Variants in AKNAD1 observed in about 807,000 individuals in gnomAD.
AKNAD1 encodes AKNA domain containing 1.
AKNAD1 carries 67 observed loss-of-function variants against 90.8 expected under a neutral mutation model. The observed-to-expected ratio is 0.74, with a 90% confidence interval of 0.61 to 0.90. The LOEUF is 0.90. Among genes scored for constraint, AKNAD1 ranks in the 40% least tolerant of loss-of-function variants. AKNAD1 has a pLI of 0.00. For missense variants in AKNAD1, 957 were observed against 975.4 expected (o/e 0.98, Z 0.25); for synonymous variants, 327 against 341.4 (o/e 0.96, Z 0.46).
At position 108,852,356 on chromosome 1, in the gene AKNAD1, G is replaced by T. The variant is rs17563390; in HGVS notation, c.309C>A (p.Asp103Glu). Reference protein sequence around the residue: ...AALHIPANEGDASKSSISDIL... With the variant: ...AALHIPANEGEASKSSISDIL... ...TATCAGAAATGCTTGACTTAGAAGC[G>T]TCTCCTTCATTTGCTGGAATATGAA... The change falls in exon 2 of 16, where the codon GAC becomes GAA. Residue 103 changes from aspartate to glutamate, a missense_variant. Physicochemically the swap from Asp to Glu is conservative, Grantham distance 45. Coordinates refer to ENST00000370001, the MANE Select transcript of AKNAD1 (RefSeq NM_152763.5). The T allele has an allele frequency of 6.2e-7, 1 of 1,613,852 alleles. No individual in the cohort carries two copies. Among genetic ancestry groups the T allele is most frequent in the East Asian group, 2.2e-5 (1 of 44,886 alleles).
At chr1:108,842,218 A>T (rs893314474) in intron 6 of AKNAD1, among the ~76,000 whole-genome samples, 4 of 152,174 alleles carry the variant, frequency 2.6e-5, no homozygotes, top group Admixed American at 1.3e-4. Flanking sequence ...GTAAAACCAT[A>T]CCTTGGGGAA....
At chr1:108,839,191 T>C (rs1235528756) in intron 6 of AKNAD1, among the ~76,000 whole-genome samples, 3 of 151,952 alleles carry the variant, frequency 2.0e-5, no homozygotes, top group Non-Finnish European at 4.4e-5. Context: ...TTCCAGAACA[T>C]GAAAAGAAAA....
chr1:108,829,475 AAAT>A (rs894583167), intron 10 of AKNAD1, among the ~76,000 whole-genome samples: 1 of 152,232 alleles, frequency 6.6e-6, no homozygotes, highest in African/African-American at 2.4e-5. Context: ...TTAATTCAAT[AAAT>A]AAAAATAGTA....
chr1:108,824,835 C>A (rs1258003501), intron 11 of AKNAD1, among the ~76,000 whole-genome samples: 1 of 151,660 alleles, frequency 6.6e-6, no homozygotes, highest in African/African-American at 2.4e-5. Context: ...TAAGCCACCA[C>A]ACCCAACTGA....
In AKNAD1 at chr1:108,852,772, G is replaced by T; in HGVS notation, c.-103-5C>A. The T allele has an allele frequency of 9.9e-7, 1 of 1,014,458 alleles. No individual in the cohort carries two copies. Among genetic ancestry groups the T allele is most frequent in the Non-Finnish European group, 1.4e-6 (1 of 719,316 alleles). 62.8% of individuals were successfully genotyped at this position (1,014,458 alleles called of 1,614,324 possible). On this transcript the variant is annotated splice_region_variant and splice_polypyrimidine_tract_variant and intron_variant, in intron 1 of 15. Transcript: ENST00000370001. Reference sequence around the variant, plus strand: ...CTGTCTTCACTGTGTGCTATTCTGTGTGAAATGAGAACAGCCTCATTGTTA... The same window carrying T: ...CTGTCTTCACTGTGTGCTATTCTGTTTGAAATGAGAACAGCCTCATTGTTA...
rs760452529 is a variant in AKNAD1, at chr1:108,834,475, A to G, written c.1718T>C (p.Val573Ala). ...AGAGTTAGAAGACAGCCTCATGGCCACTTGGTCTGGCTTGTTCTGGGCAGC... is the reference window on the plus strand; with the variant it reads ...AGAGTTAGAAGACAGCCTCATGGCCGCTTGGTCTGGCTTGTTCTGGGCAGC... Reference protein sequence around the residue: ...DAAAQNKPDQVAMRLSSNSGE... With the variant: ...DAAAQNKPDQAAMRLSSNSGE... The change falls in exon 9 of 16, where the codon GTG becomes GCG. Residue 573 changes from valine (V) to alanine (A), a missense_variant. Transcript: ENST00000370001. The G allele has an allele frequency of 6.2e-7, 1 of 1,611,066 alleles. No individual in the cohort carries two copies. Among genetic ancestry groups the G allele is most frequent in the Non-Finnish European group, 8.5e-7 (1 of 1,178,862 alleles).
chr1:108,844,132 G>T (rs971029846), intron 5 of AKNAD1, among the ~76,000 whole-genome samples: 1 of 152,190 alleles, frequency 6.6e-6, no homozygotes, highest in African/African-American at 2.4e-5. Context: ...GGAGGCCGAA[G>T]TGGGCAGATC....
chr1:108,837,516 TG>T (rs760544801), intron 7 of AKNAD1, 33 bp downstream of exon 7: 1 of 1,568,244 alleles, frequency 6.4e-7, no homozygotes, highest in Admixed American at 1.8e-5. Flanking sequence ...CCATTTTTCC[TG>T]GCACAAAATT....
chr1:108,841,567 A>G (rs1271853207), intron 6 of AKNAD1, among the ~76,000 whole-genome samples: 1 of 152,234 alleles, frequency 6.6e-6, no homozygotes, highest in Non-Finnish European at 1.5e-5. Flanking sequence ...TGTAAAGGTA[A>G]TAATGAGAAG....
intron 8 of AKNAD1, 111 bp downstream of exon 8, chr1:108,834,818 G>T: frequency 6.8e-7 from 1 of 1,465,800 alleles, no homozygotes; most frequent in Non-Finnish European, 9.1e-7. Context: ...GTAACTCGTG[G>T]TCCAAGACTG....
chr1:108,827,292 CG>C lies in AKNAD1; in HGVS notation c.1848del (p.Asn616LysfsTer99), dbSNP rs1186939796. 2.5e-6 allele frequency: 4 copies of C among 1,609,582 alleles called. No individual in the cohort carries two copies. Among genetic ancestry groups the C allele is most frequent in the Non-Finnish European group, 3.4e-6 (4 of 1,177,692 alleles). Reference sequence around the variant, plus strand: ...ATCCTTCCGTGGCCCTTTTTCTCCACGTTTTGCTTCCTAAAAAAAGGTGCAT... The same window carrying C: ...ATCCTTCCGTGGCCCTTTTTCTCCACTTTTGCTTCCTAAAAAAAGGTGCAT... Reference protein sequence around the residue: ...FCRRLLEWKQNVEKKGHGRIN... With the variant: ...FCRRLLEWKQXVEKKGHGRIN... On this transcript the variant is annotated frameshift_variant, in exon 11 of 16. Coordinates refer to ENST00000370001, the MANE Select transcript of AKNAD1 (RefSeq NM_152763.5). LOFTEE classifies it high-confidence loss of function.
chr1:108,837,908 CGTATCCTT>C (rs1392237085), intron 6 of AKNAD1, among the ~76,000 whole-genome samples: 2 of 152,164 alleles, frequency 1.3e-5, no homozygotes, highest in Admixed American at 1.3e-4. Context: ...CCATTAGCTG[CGTATCCTT>C]GTATAAATCA....
At chr1:108,823,977 AT>A (rs2101164789) in intron 11 of AKNAD1, among the ~76,000 whole-genome samples, 1 of 152,310 alleles carries the variant, frequency 6.6e-6, no homozygotes, top group African/African-American at 2.4e-5. Flanking sequence ...ATCTGCGGCA[AT>A]TTGGCCCACT....
chr1:108,848,862 G>T, intron 4 of AKNAD1, 48 bp from the exon 5 acceptor site: 1 of 1,601,542 alleles, frequency 6.2e-7, no homozygotes, highest in Non-Finnish European at 8.5e-7. Flanking sequence ...GGTTTCTCAT[G>T]TGTGAATTTG....
chr1:108,816,115 A>G lies in AKNAD1; in HGVS notation c.*56T>C. The G allele has an allele frequency of 6.7e-7, 1 of 1,491,672 alleles. No homozygotes were observed. Among genetic ancestry groups the G allele is most frequent in the Non-Finnish European group, 8.9e-7 (1 of 1,123,414 alleles). 92.4% of individuals were successfully genotyped at this position (1,491,672 alleles called of 1,614,324 possible). On this transcript the variant is annotated 3_prime_UTR_variant, in exon 16 of 16. Coordinates refer to ENST00000370001, the MANE Select transcript of AKNAD1 (RefSeq NM_152763.5). ...AGTAAGTAAAATACATTTTGGGGGA[A>G]GATCAAGTTTTCTTTGCATTTTTTT...
chr1:108,835,037 C>T lies in AKNAD1; in HGVS notation c.1556G>A (p.Gly519Asp), dbSNP rs983468032. 9.5e-6 allele frequency: 15 copies of T among 1,575,896 alleles called. No individual in the cohort carries two copies. The highest frequency in any genetic ancestry group is 1.1e-5 in the Non-Finnish European group (13 of 1,165,960). The change falls in exon 8 of 16, where the codon GGC (glycine) becomes GAC (aspartate). Residue 519 changes from glycine (G) to aspartate (D), a missense_variant. Coordinates refer to ENST00000370001, the MANE Select transcript of AKNAD1 (RefSeq NM_152763.5). Reference protein sequence around the residue: ...LSNEIPKEHPGHPSGPRGSGG... With the variant: ...LSNEIPKEHPDHPSGPRGSGG... ...TGAGCCTCGAGGCCCAGAAGGGTGG[C>T]CGGGGTGCTCCTTGGGAATCTGGGG... is the stretch of plus-strand genomic sequence containing the variant.
At chr1:108,818,738 G>C (rs1663711108) in intron 14 of AKNAD1, among the ~76,000 whole-genome samples, 1 of 152,040 alleles carries the variant, frequency 6.6e-6, no homozygotes, top group Non-Finnish European at 1.5e-5. Flanking sequence ...CGAGGTGGGT[G>C]AATCACCTGA....
chr1:108,824,396 A>ACCCTAACCCTAACC (rs1553201277), intron 11 of AKNAD1, among the ~76,000 whole-genome samples: 3 of 151,940 alleles, frequency 2.0e-5, no homozygotes, highest in Non-Finnish European at 4.4e-5. Flanking sequence ...GCCTTACTGA[A>ACCCTAACCCTAACC]CTCATGGTTA....
chr1:108,817,113 A>G lies in AKNAD1; in HGVS notation c.2314T>C (p.Ser772Pro). ...GATTTGCTTCCAGAAATCCTGCAGG[A>G]GTAGAAATGGGGTGAGGGTGTTGCA... is the stretch of plus-strand genomic sequence containing the variant. Reference protein sequence around the residue: ...DPATPSPHFYSCRISGSKSLC... With the variant: ...DPATPSPHFYPCRISGSKSLC... Residue 772 changes from serine (S) to proline (P), a missense_variant, in exon 15 of 16, where the codon TCC (serine) becomes CCC (proline). Ser to Pro is a moderately conservative substitution (Grantham distance 74). Coordinates refer to ENST00000370001, the MANE Select transcript of AKNAD1 (RefSeq NM_152763.5). The G allele has an allele frequency of 1.9e-6, 3 of 1,614,122 alleles. No homozygotes were observed. Among genetic ancestry groups the G allele is most frequent in the Non-Finnish European group, 2.5e-6 (3 of 1,180,020 alleles).
Sources: gnomAD v4.1 joint callset for allele counts (sites outside exome capture counted in the v4.1 genomes callset) on GRCh38, gnomAD v4.1.1 for gene constraint, MANE v1.5 for transcripts, NCBI Gene and HGNC (gene_info 2026-07-23, HGNC 2026-07-21) for gene names.